The following LMBR1 variants were observed in gnomAD, a reference collection of about 807,000 sequenced individuals.
LMBR1 encodes limb region 1 protein homolog.
Under a neutral mutation model 73.9 loss-of-function variants are expected in LMBR1, and 52 were observed. The observed-to-expected ratio is 0.70, with a 90% CI of 0.56 to 0.89. The LOEUF is 0.89. Among genes scored for constraint, LMBR1 ranks in the 40% least tolerant of loss-of-function variants. The pLI is 0.00. For missense variants in LMBR1, 539 were observed against 579.8 expected, an observed-to-expected ratio of 0.93 and a Z score of 0.72; for synonymous variants, 215 against 209.4, an observed-to-expected ratio of 1.03 and a Z score of -0.23.
At position 156,852,757 on chromosome 7, in the gene LMBR1, G is replaced by C. The variant is rs1796407757; in HGVS notation, c.67-15872C>G. Among the ~76,000 whole-genome samples, 7 of 152,288 alleles carry C rather than the reference G, an allele frequency of 4.6e-5. No individual in the cohort carries two copies. The South Asian group carries it at 1.4e-3, about 32-fold the overall frequency. ...TACTAGCATCTGGGGTCAGAGAACAGAGATGCTGTTAAAATCCCATGATGC... is the reference window on the plus strand; with the variant it reads ...TACTAGCATCTGGGGTCAGAGAACACAGATGCTGTTAAAATCCCATGATGC... On this transcript the variant is annotated intron_variant, in intron 1 of 16. Transcript: ENST00000353442.
rs1263580061 is a variant in LMBR1 at position 156,763,767 on chromosome 7, A to G, written c.452T>C (p.Leu151Ser). The G allele has an allele frequency of 6.2e-7, 1 of 1,601,022 alleles. No individual in the cohort carries two copies. The highest frequency in any genetic ancestry group is 1.8e-5 in the Admixed American group (1 of 55,902). ...TAACGCAAGAAGAAGAAGCATGACC[A>G]AAGTCTCTAAAATGCGGGCTCGGAT... ...KGIRARILETLVMLLLLALLI... is the reference protein window; with the variant it reads ...KGIRARILETSVMLLLLALLI... The change falls in exon 6 of 17, where the codon TTG becomes TCG. Residue 151 changes from leucine to serine, a missense_variant. By Grantham distance (145) the Leu-to-Ser change is moderately radical (BLOSUM62 -2). Transcript: ENST00000353442.
intron 16 of LMBR1, among the ~76,000 whole-genome samples, chr7:156,686,094 G>C (rs1273276008): frequency 2.0e-5 from 3 of 152,164 alleles, no homozygotes; most frequent in African/African-American, 7.2e-5. Context: ...TGTTAGAAAA[G>C]GGACTGAGTG....
intron 1 of LMBR1, among the ~76,000 whole-genome samples, chr7:156,877,292 A>G (rs1453914238): frequency 6.6e-6 from 1 of 151,998 alleles, no homozygotes; most frequent in Non-Finnish European, 1.5e-5. Flanking sequence ...AAAGTCCAGG[A>G]CCAGATGGAT....
intron 1 of LMBR1, among the ~76,000 whole-genome samples, chr7:156,870,744 G>T (rs1361611810): frequency 6.8e-6 from 1 of 147,898 alleles, no homozygotes; most frequent in African/African-American, 2.5e-5. Flanking sequence ...GCGACAGAGC[G>T]AGACTCTGTC....
chr7:156,856,226 A>G (rs147361721), intron 1 of LMBR1, among the ~76,000 whole-genome samples: 34 of 152,068 alleles, frequency 2.2e-4, no homozygotes, highest in East Asian at 1.2e-3. Context: ...AGATAGGTAG[A>G]TAGATAGATA....
At chr7:156,677,490 G>T (rs560900234), downstream of LMBR1, among the ~76,000 whole-genome samples, 2 of 152,286 alleles carry the variant, frequency 1.3e-5, no homozygotes, top group South Asian at 4.1e-4. Context: ...TGGTGGAGGG[G>T]CAGGAGGACA....
intron 5 of LMBR1, among the ~76,000 whole-genome samples, chr7:156,792,489 A>G (rs1829389196): frequency 6.6e-6 from 1 of 152,210 alleles, no homozygotes; most frequent in Non-Finnish European, 1.5e-5. Flanking sequence ...CTAAAAAAAA[A>G]CTTTTACTTT....
chr7:156,728,214 G>A (rs1241568441), intron 11 of LMBR1, among the ~76,000 whole-genome samples: 1 of 152,168 alleles, frequency 6.6e-6, no homozygotes, highest in Non-Finnish European at 1.5e-5. Flanking sequence ...CAAAGCTTGT[G>A]ACAAAAGCTG....
At chr7:156,793,888 C>A (rs1040711983) in intron 5 of LMBR1, among the ~76,000 whole-genome samples, 3 of 152,056 alleles carry the variant, frequency 2.0e-5, no homozygotes, top group Admixed American at 6.6e-5. Context: ...AAAGCAACCC[C>A]GCGGTTTAGA....
chr7:156,869,403 G>A (rs1411421546), intron 1 of LMBR1, among the ~76,000 whole-genome samples: 3 of 152,052 alleles, frequency 2.0e-5, no homozygotes, highest in African/African-American at 7.2e-5. Context: ...ACTAACACCA[G>A]AAATCATGCT....
At chr7:156,836,918 T>C (rs1453206510) in intron 1 of LMBR1, 33 bp from the exon 2 acceptor site, 5 of 1,354,668 alleles carry the variant, frequency 3.7e-6, no homozygotes, top group Non-Finnish European at 5.1e-6. Flanking sequence ...GATCATTTAC[T>C]TTTTTGCATA....
At chr7:156,890,913 C>T (rs915754856) in intron 1 of LMBR1, among the ~76,000 whole-genome samples, 4 of 151,984 alleles carry the variant, frequency 2.6e-5, no homozygotes, top group African/African-American at 9.7e-5. Flanking sequence ...ATAGCCAGCC[C>T]GGCGTGGTGG....
chr7:156,797,996 C>T (rs1160893141), intron 4 of LMBR1, among the ~76,000 whole-genome samples: 1 of 151,612 alleles, frequency 6.6e-6, no homozygotes, highest in Non-Finnish European at 1.5e-5. Flanking sequence ...GCCAAACATT[C>T]TGTTTTCTTT....
At chr7:156,671,633 G>A (rs1011973269) in intron 4 of LMBR1, among the ~76,000 whole-genome samples, 14 of 151,000 alleles carry the variant, frequency 9.3e-5, no homozygotes, top group African/African-American at 3.1e-4. Flanking sequence ...TTGTCACTGG[G>A]TGTACTGCAG....
intron 15 of LMBR1, among the ~76,000 whole-genome samples, chr7:156,714,232 G>A (rs924815913): frequency 1.3e-5 from 2 of 152,226 alleles, no homozygotes; most frequent in East Asian, 3.8e-4. Context: ...CCATTGGATA[G>A]AATGTGATAA....
intron 1 of LMBR1, among the ~76,000 whole-genome samples, chr7:156,872,863 C>A (rs1293948560): frequency 6.6e-6 from 1 of 152,104 alleles, no homozygotes; most frequent in Admixed American, 6.5e-5. Context: ...TGCAGGAAAG[C>A]CTAGAGAACC....
intron 4 of LMBR1, among the ~76,000 whole-genome samples, chr7:156,802,989 C>CA (rs905940443): frequency 6.6e-6 from 1 of 152,064 alleles, no homozygotes; most frequent in East Asian, 1.9e-4. Flanking sequence ...ACACTTTATA[C>CA]AAAAATTAAT....
chr7:156,723,474 G>T (rs1350691942), intron 15 of LMBR1, among the ~76,000 whole-genome samples: 1 of 152,046 alleles, frequency 6.6e-6, no homozygotes, highest in Non-Finnish European at 1.5e-5. Context: ...CTCAGAATAT[G>T]GTCTACAATA....
At chr7:156,827,945 G>T (rs1346055498) in intron 3 of LMBR1, among the ~76,000 whole-genome samples, 3 of 152,146 alleles carry the variant, frequency 2.0e-5, no homozygotes, top group Non-Finnish European at 4.4e-5. Flanking sequence ...AATTCATTTT[G>T]CTCAATAGAC....
Sources: allele counts gnomAD v4.1 joint callset (sites outside exome capture counted in the v4.1 genomes callset), GRCh38; gene constraint gnomAD v4.1.1; transcripts MANE v1.5; gene names NCBI Gene and HGNC (gene_info 2026-07-23, HGNC 2026-07-21).